Variants in PCSK2 observed in about 807,000 individuals in gnomAD.
PCSK2 encodes neuroendocrine convertase 2.
In PCSK2, 14 loss-of-function variants were observed where a neutral mutation model predicts 69.7. The observed-to-expected ratio is 0.20, with a 90% CI of 0.13 to 0.31. PCSK2 has a LOEUF of 0.31. Among genes scored for constraint, PCSK2 ranks in the 10% least tolerant of loss-of-function variants. The pLI, the probability that PCSK2 is intolerant of heterozygous loss-of-function variation, is 1.00. For synonymous variants in PCSK2, 307 were observed against 320.7 expected, an observed-to-expected ratio of 0.96 and a Z score of 0.46; for missense variants, 544 against 842.5, an observed-to-expected ratio of 0.65 and a Z score of 4.39.
rs570101118 is a variant in PCSK2, at chr20:17,315,614, G to A, written c.283-42713G>A. On this transcript the variant is annotated intron_variant, in intron 2 of 11. Transcript: ENST00000262545. ...CTGAGGGGCCCACACAGCTCCCTCT[G>A]CCCCAAACGGGGCAGAGAATGAGTA... 2.0e-5 allele frequency among the ~76,000 whole-genome samples: 3 copies of A among 152,332 alleles called. No homozygotes were observed. The South Asian group carries it at 6.2e-4, about 32-fold the overall frequency.
At chr20:17,293,774 T>C (rs533920229) in intron 2 of PCSK2, among the ~76,000 whole-genome samples, 2 of 152,216 alleles carry the variant, frequency 1.3e-5, no homozygotes, top group African/African-American at 4.8e-5. Flanking sequence ...TATTTGTCTA[T>C]AGTTTCCTCT....
chr20:17,415,808 C>G (rs1403145126), intron 6 of PCSK2, among the ~76,000 whole-genome samples: 1 of 152,184 alleles, frequency 6.6e-6, no homozygotes, highest in African/African-American at 2.4e-5. Flanking sequence ...GTAACCAAAA[C>G]AGCATGGCAC....
At chr20:17,243,018 A>G (rs1986640744) in intron 1 of PCSK2, among the ~76,000 whole-genome samples, 2 of 152,136 alleles carry the variant, frequency 1.3e-5, no homozygotes, top group Non-Finnish European at 2.9e-5. Flanking sequence ...TTTGATTATT[A>G]TAGCCCTTTA....
intron 5 of PCSK2, among the ~76,000 whole-genome samples, chr20:17,398,252 C>T (rs2031557912): frequency 6.6e-6 from 1 of 152,118 alleles, no homozygotes; most frequent in Admixed American, 6.6e-5. Flanking sequence ...GGGCTGGATG[C>T]AGTGTCTCAT....
intron 1 of PCSK2, among the ~76,000 whole-genome samples, chr20:17,246,740 A>G (rs1986786248): frequency 1.3e-5 from 2 of 152,028 alleles, no homozygotes. Context: ...TGTCAATCAG[A>G]CTATCCCATC....
intron 8 of PCSK2, among the ~76,000 whole-genome samples, chr20:17,446,504 G>T (rs778946137): frequency 6.6e-6 from 1 of 152,080 alleles, no homozygotes; most frequent in South Asian, 2.1e-4. Flanking sequence ...CCACAAAGAG[G>T]CCTGGTCATG....
At chr20:17,344,968 A>G (rs575358780) in intron 2 of PCSK2, among the ~76,000 whole-genome samples, 39 of 152,206 alleles carry the variant, frequency 2.6e-4, no homozygotes, top group Admixed American at 1.1e-3. Flanking sequence ...AATCTCAACC[A>G]GCATCTTTGC....
At chr20:17,272,056 T>A (rs1265767959) in intron 2 of PCSK2, among the ~76,000 whole-genome samples, 1 of 152,156 alleles carries the variant, frequency 6.6e-6, no homozygotes, top group African/African-American at 2.4e-5. Flanking sequence ...GAGGCCAAAT[T>A]AATCTATCTT....
At chr20:17,436,636 C>A in intron 7 of PCSK2, 72 bp from the exon 8 acceptor site, 2 of 1,351,238 alleles carry the variant, frequency 1.5e-6, no homozygotes, top group South Asian at 1.3e-5. Context: ...GGGCCCAAGC[C>A]CTCCTCCACC....
intron 6 of PCSK2, among the ~76,000 whole-genome samples, chr20:17,421,806 G>GAAAAA (rs1568642567): frequency 1.3e-4 from 3 of 23,532 alleles, no homozygotes; most frequent in African/African-American, 1.8e-4. Context: ...AGGAAGAGAG[G>GAAAAA]TAAAAAAAAA....
In PCSK2 at chr20:17,465,450, G is replaced by A; in HGVS notation, c.1327G>A (p.Gly443Ser). 6.2e-7 allele frequency: 1 copy of A among 1,614,080 alleles called. No individual in the cohort carries two copies. The highest frequency in any genetic ancestry group is 8.5e-7 in the Non-Finnish European group (1 of 1,179,990). ...CGGCCTGGAATTTAATCACCTCTTT[G>A]GCTACGGGGTCCTTGATGCAGGTGC... is the stretch of plus-strand genomic sequence containing the variant. Reference protein sequence around the residue: ...GVGLEFNHLFGYGVLDAGAMV... With the variant: ...GVGLEFNHLFSYGVLDAGAMV... Residue 443 changes from glycine (G) to serine (S), a missense_variant, in exon 11 of 12, where the codon GGC (glycine) becomes AGC (serine). Gly to Ser is a moderately conservative substitution (Grantham distance 56). This residue lies in a region of PCSK2 where 200 missense variants were observed against 287.8 expected (regional missense o/e 0.69). Transcript: ENST00000262545.
At chr20:17,322,656 G>A (rs1177044984) in intron 2 of PCSK2, among the ~76,000 whole-genome samples, 2 of 152,184 alleles carry the variant, frequency 1.3e-5, no homozygotes, top group Non-Finnish European at 2.9e-5. Flanking sequence ...GGTCTGTCAG[G>A]AGCCCAGTCT....
At chr20:17,252,155 T>A (rs1437291927) in intron 1 of PCSK2, among the ~76,000 whole-genome samples, 1 of 152,154 alleles carries the variant, frequency 6.6e-6, no homozygotes, top group Non-Finnish European at 1.5e-5. Flanking sequence ...ATTAAAGTGA[T>A]CATGTTCCCC....
rs142415797 is a variant in PCSK2 at position 17,476,997 on chromosome 20, G to A, written c.1431-4587G>A. Among the ~76,000 whole-genome samples the A allele has an allele frequency of 4.3e-3, 653 of 152,286 alleles. 7 individuals are homozygous for A. The highest frequency in any genetic ancestry group is 0.03 in the South Asian group (144 of 4,826). On this transcript the variant is annotated intron_variant, in intron 11 of 11. Transcript: ENST00000262545. ...CATACATGATTCAGCATCAGTATCC[G>A]GGGGTGGGAGAGGGGAATACAGCAG...
At chr20:17,427,117 C>T (rs1442318007) in intron 6 of PCSK2, among the ~76,000 whole-genome samples, 1 of 152,152 alleles carries the variant, frequency 6.6e-6, no homozygotes, top group East Asian at 1.9e-4. Context: ...GTTTTCTCAT[C>T]TTTAAAATGG....
At chr20:17,425,329 A>T (rs1473774472) in intron 6 of PCSK2, among the ~76,000 whole-genome samples, 1 of 152,172 alleles carries the variant, frequency 6.6e-6, no homozygotes, top group African/African-American at 2.4e-5. Flanking sequence ...CATTAAATAA[A>T]CGAATGCCAA....
At chr20:17,358,283 T>A in intron 2 of PCSK2, 44 bp from the exon 3 acceptor site, 2 of 1,104,560 alleles carry the variant, frequency 1.8e-6, no homozygotes, top group Non-Finnish European at 2.8e-6. Flanking sequence ...GAAGACAGAA[T>A]GTTCAGATTA....
At chr20:17,248,601 T>A (rs1012913744) in intron 1 of PCSK2, among the ~76,000 whole-genome samples, 3 of 152,210 alleles carry the variant, frequency 2.0e-5, no homozygotes, top group Admixed American at 6.5e-5. Flanking sequence ...GTTAGTCTTT[T>A]GTTAGGTTCA....
chr20:17,460,977 T>A (rs1317091790), intron 10 of PCSK2, among the ~76,000 whole-genome samples: 1 of 152,064 alleles, frequency 6.6e-6, no homozygotes. Flanking sequence ...TAAAGTAACT[T>A]ATCCGAGTTC....
Sources: gnomAD v4.1 joint callset for allele counts (sites outside exome capture counted in the v4.1 genomes callset) on GRCh38, gnomAD v4.1.1 for gene constraint, gnomAD v4.1.1 regional missense constraint, MANE v1.5 for transcripts, NCBI Gene and HGNC (gene_info 2026-07-23, HGNC 2026-07-21) for gene names.